Variants in USH2A observed in about 807,000 individuals in gnomAD.
USH2A encodes the protein usherin, also known as Usher syndrome 2A (autosomal recessive, mild).
In USH2A, 443 loss-of-function variants were observed where a neutral mutation model predicts 538.9. The observed-to-expected ratio is 0.82, with a 90% CI of 0.76 to 0.89. The LOEUF (loss-of-function observed/expected upper bound fraction) is 0.89. Among genes scored for constraint, USH2A ranks in the 40% least tolerant of loss-of-function variants. The pLI, the probability that USH2A is intolerant of heterozygous loss-of-function variation, is 0.00. For synonymous variants in USH2A, 2,413 were observed against 2,273.5 expected (o/e 1.06, Z -1.75); for missense variants, 6,633 against 6,324.8 (o/e 1.05, Z -1.65).
At chr1:216,226,956 T>C (rs2035574986) in intron 14 of USH2A, among the ~76,000 whole-genome samples, 1 of 152,150 alleles carries the variant, frequency 6.6e-6, no homozygotes. Context: ...CTAAGATAGA[T>C]ATCAATGCAC....
chr1:216,082,471 A>G (rs2031981868), intron 26 of USH2A, among the ~76,000 whole-genome samples: 1 of 151,938 alleles, frequency 6.6e-6, no homozygotes, highest in Non-Finnish European at 1.5e-5. Flanking sequence ...TTAAAAAAAA[A>G]AAAAAAAAGA....
In USH2A at chr1:215,634,480, G is replaced by A. The variant is rs1158377047; in HGVS notation, c.15276C>T (p.Tyr5092=). The change falls in exon 70 of 72, where the codon TAC becomes TAT. Residue 5092 remains tyrosine, a synonymous_variant. Transcript: ENST00000307340. The part of the protein sequence containing the change: ...LQKRMSPLNV[Y]PPGENHMGLA... ...ATACCATATGGTTTTCCCCCGGTGGGTAAACATTCAATGGAGACATCCTCT... is the reference window on the plus strand; with the variant it reads ...ATACCATATGGTTTTCCCCCGGTGGATAAACATTCAATGGAGACATCCTCT... 2 of 1,614,204 alleles carry A rather than the reference G, an allele frequency of 1.2e-6. No individual in the cohort carries two copies. Among genetic ancestry groups the A allele is most frequent in the South Asian group, 1.1e-5 (1 of 91,086 alleles).
intron 4 of USH2A, among the ~76,000 whole-genome samples, chr1:216,362,905 C>T (rs1366222362): frequency 1.3e-5 from 2 of 150,896 alleles, no homozygotes; most frequent in Non-Finnish European, 2.9e-5. Context: ...CACCACTGCA[C>T]TCCAGCCTGG....
intron 43 of USH2A, among the ~76,000 whole-genome samples, chr1:215,875,739 T>C (rs921313670): frequency 6.6e-6 from 1 of 151,572 alleles, no homozygotes; most frequent in African/African-American, 2.4e-5. Flanking sequence ...TCTATTTATT[T>C]TTTGAAATAG....
intron 15 of USH2A, among the ~76,000 whole-genome samples, chr1:216,208,148 T>C (rs1485837884): frequency 6.6e-6 from 1 of 152,152 alleles, no homozygotes; most frequent in Non-Finnish European, 1.5e-5. Flanking sequence ...TAAATTTTTC[T>C]TAGTCTCCCT....
intron 20 of USH2A, among the ~76,000 whole-genome samples, chr1:216,180,860 C>G (rs1243454100): frequency 6.6e-6 from 1 of 152,126 alleles, no homozygotes. Context: ...CCAAACACTG[C>G]TAGGCCAGAA....
At chr1:216,248,967 T>C (rs1412859508) in intron 12 of USH2A, among the ~76,000 whole-genome samples, 1 of 152,132 alleles carries the variant, frequency 6.6e-6, no homozygotes, top group Non-Finnish European at 1.5e-5. Flanking sequence ...TTGGTGCTAA[T>C]GTATTTTACT....
At position 215,705,162 on chromosome 1, in the gene USH2A, G is replaced by C. The variant is rs75681398; in HGVS notation, c.12066+22868C>G. 6.9e-3 allele frequency among the ~76,000 whole-genome samples: 1,043 copies of C among 152,222 alleles called. 16 individuals carry two copies. Among genetic ancestry groups the C allele is most frequent in the African/African-American group, 0.024 (987 of 41,538 alleles). On this transcript the variant is annotated intron_variant, in intron 61 of 71. Transcript: ENST00000307340. ...CTATTTTATGTATCCCTAAGAAAGA[G>C]AAAAATATGCTGCTAATTCAACAAG...
rs759433119 is a variant in USH2A, at chr1:216,246,584, C to T, written c.2809+1G>A. 4 of 1,613,870 alleles carry T rather than the reference C, an allele frequency of 2.5e-6. No individual in the cohort carries two copies. The highest frequency in any genetic ancestry group is 3.4e-6 in the Non-Finnish European group (4 of 1,179,918). On this transcript the variant is annotated splice_donor_variant, in intron 13 of 71. Transcript: ENST00000307340. LOFTEE classifies it high-confidence loss of function. ...GAAAATGTAATACATTTCTTTCTTA[C>T]CTGGTTGACACTGATTACACCTTCT...
chr1:215,810,698 A>G (rs1308085758), intron 49 of USH2A, among the ~76,000 whole-genome samples: 2 of 152,186 alleles, frequency 1.3e-5, no homozygotes, highest in Non-Finnish European at 2.9e-5. Flanking sequence ...TGAATCATAC[A>G]TGAAAACTCC....
At chr1:215,986,467 T>C (rs939467837) in intron 35 of USH2A, among the ~76,000 whole-genome samples, 1 of 152,022 alleles carries the variant, frequency 6.6e-6, no homozygotes, top group South Asian at 2.1e-4. Context: ...CTCTTAATTA[T>C]GCCCATGTGG....
intron 38 of USH2A, among the ~76,000 whole-genome samples, chr1:215,933,044 T>C (rs1017597289): frequency 1.1e-4 from 17 of 151,980 alleles, no homozygotes; most frequent in African/African-American, 4.1e-4. Context: ...ATTTTATGAA[T>C]ATGATATAAA....
At position 215,941,451 on chromosome 1, in the gene USH2A, A is replaced by AT. The variant is rs377480983; in HGVS notation, c.7121-6657dup. ...TCAGGGTTTTTTTCCACTTTGACTT[A>AT]TTTTTTTTGCCATTTGGGCAAACTT... is the stretch of plus-strand genomic sequence containing the variant. On this transcript the variant is annotated intron_variant, in intron 37 of 71. Coordinates refer to ENST00000307340, the MANE Select transcript of USH2A (RefSeq NM_206933.4). Among the ~76,000 whole-genome samples the AT allele has an allele frequency of 4.6e-3, 704 of 151,686 alleles. 5 individuals are homozygous for AT. The highest frequency in any genetic ancestry group is 0.016 in the African/African-American group (670 of 41,412).
intron 62 of USH2A, 131 bp downstream of exon 62, chr1:215,680,018 T>A: frequency 1.1e-6 from 1 of 889,290 alleles, no homozygotes; most frequent in East Asian, 2.5e-5. Flanking sequence ...ATTAAGTGCC[T>A]GGAGGAGCTA....
chr1:215,771,623 A>AAAAAAAAAAAAAG, intron 55 of USH2A, among the ~76,000 whole-genome samples: 1 of 139,716 alleles, frequency 7.2e-6, no homozygotes, highest in Non-Finnish European at 1.5e-5. Flanking sequence ...AAAAAAAAAA[A>AAAAAAAAAAAAAG]ATTCAAGTGG....
chr1:216,103,200 G>A (rs976693357), intron 21 of USH2A, among the ~76,000 whole-genome samples: 4 of 152,216 alleles, frequency 2.6e-5, no homozygotes, highest in African/African-American at 9.6e-5. Flanking sequence ...AGGCCCACTG[G>A]GGGCCCAGTA....
chr1:216,378,014 C>G (rs2038867853), intron 3 of USH2A, among the ~76,000 whole-genome samples: 1 of 151,758 alleles, frequency 6.6e-6, no homozygotes, highest in Non-Finnish European at 1.5e-5. Context: ...ATGGTTCTGC[C>G]TTCACAAAGC....
intron 21 of USH2A, among the ~76,000 whole-genome samples, chr1:216,114,569 T>C (rs2032956125): frequency 6.6e-6 from 1 of 152,216 alleles, no homozygotes; most frequent in Non-Finnish European, 1.5e-5. Flanking sequence ...CTTCTTGAGT[T>C]GCTATTCTGT....
At chr1:215,834,338 CA>C (rs781146828) in intron 47 of USH2A, among the ~76,000 whole-genome samples, 9 of 152,068 alleles carry the variant, frequency 5.9e-5, no homozygotes, top group Non-Finnish European at 1.2e-4. Context: ...TCTTACTCAG[CA>C]ACAAAAACTG....
Sources: allele counts gnomAD v4.1 joint callset (sites outside exome capture counted in the v4.1 genomes callset), GRCh38; gene constraint gnomAD v4.1.1; transcripts MANE v1.5; gene names NCBI Gene and HGNC (gene_info 2026-07-23, HGNC 2026-07-21).